Variants in ZNF888 observed in about 807,000 individuals in gnomAD.
The protein encoded by ZNF888 is zinc finger protein 888.
Under a neutral mutation model 7.2 loss-of-function variants are expected in ZNF888, and 5 were observed. That is an observed-to-expected ratio of 0.70 (90% CI 0.36 to 1.46). The LOEUF (loss-of-function observed/expected upper bound fraction) is 1.46. ZNF888 is among the 40% of genes most tolerant of loss of function. ZNF888 has a pLI of 0.03. For synonymous variants in ZNF888, 240 were observed against 284.3 expected (o/e 0.84, Z 1.57); for missense variants, 716 against 858.0 (o/e 0.83, Z 2.07).
rs1355946701 is a variant in ZNF888 at position 52,905,906 on chromosome 19, A to G, written c.*259T>C. 6 of 788,970 alleles carry G rather than the reference A, an allele frequency of 7.6e-6. No homozygotes were observed. The highest frequency in any genetic ancestry group is 1.4e-5 in the Non-Finnish European group (6 of 441,688). The allele number at this position is 788,970 out of a possible 1,614,324, so 48.9% of individuals were successfully genotyped here. On this transcript the variant is annotated 3_prime_UTR_variant, in exon 5 of 5. Transcript: ENST00000638862. ...ACGTGAAGTAAAGGCTTTGCTCACA[A>G]TCATCACACTTGTGAGGTTTCTCTC... is the stretch of plus-strand genomic sequence containing the variant.
chr19:52,913,782 C>A, intron 4 of ZNF888: 8 of 969,360 alleles, frequency 8.3e-6, no homozygotes, highest in Non-Finnish European at 9.8e-6. Flanking sequence ...ACACTGGAAT[C>A]ATGCTTAAAC....
At position 52,905,589 on chromosome 19, in the gene ZNF888, A is replaced by G. The variant is rs189732029; in HGVS notation, c.*576T>C. ...CTTGGCCTCCCACAGTGCTAGCATT[A>G]CAGGTGTGAGCCACCGCACTCAGCC... is the stretch of plus-strand genomic sequence containing the variant. On this transcript the variant is annotated 3_prime_UTR_variant, in exon 5 of 5. Transcript: ENST00000638862. 56 of 347,374 alleles carry G rather than the reference A, an allele frequency of 1.6e-4. 1 individual carries two copies. In the East Asian group the frequency reaches 3.0e-3, roughly 19 times the overall value. 21.5% of individuals were successfully genotyped at this position (347,374 alleles called of 1,614,324 possible).
intron 4 of ZNF888, among the ~76,000 whole-genome samples, chr19:52,908,649 A>G (rs2064639734): frequency 6.6e-6 from 1 of 152,168 alleles, no homozygotes; most frequent in Non-Finnish European, 1.5e-5. Flanking sequence ...GAAATCCTGT[A>G]CTGTCAAACC....
intron 4 of ZNF888, among the ~76,000 whole-genome samples, chr19:52,910,149 CAAAAAA>C (rs71335690): frequency 1.2e-5 from 1 of 83,908 alleles, no homozygotes; most frequent in African/African-American, 3.3e-5. Flanking sequence ...GACTTCGTCT[CAAAAAA>C]AAAAAAAAAA....
chr19:52,904,441 T>C lies in ZNF888; in HGVS notation c.*1724A>G, dbSNP rs1223933415. The C allele has an allele frequency of 2.0e-5, 3 of 152,228 alleles. No homozygotes were observed. The highest frequency in any genetic ancestry group is 4.4e-5 in the Non-Finnish European group (3 of 68,046). The allele number at this position is 152,228 out of a possible 1,614,324, so 9.4% of individuals were successfully genotyped here. ...TGCAGAAGGAAGGGCTTTATTCAGCTGGGAGCATCGGCAAGCTACTGCCTT... is the reference window on the plus strand; with the variant it reads ...TGCAGAAGGAAGGGCTTTATTCAGCCGGGAGCATCGGCAAGCTACTGCCTT... On this transcript the variant is annotated 3_prime_UTR_variant, in exon 5 of 5. Transcript: ENST00000638862.
intron 4 of ZNF888, among the ~76,000 whole-genome samples, chr19:52,914,736 G>A (rs575962335): frequency 1.7e-4 from 26 of 152,174 alleles, no homozygotes; most frequent in African/African-American, 2.6e-4. Flanking sequence ...GTGTGTTCTC[G>A]GCTCACTAGA....
At chr19:52,918,585 G>T (rs1390811230) in intron 2 of ZNF888, among the ~76,000 whole-genome samples, 1 of 151,984 alleles carries the variant, frequency 6.6e-6, no homozygotes, top group Non-Finnish European at 1.5e-5. Flanking sequence ...CCTGGCCAAC[G>T]TGGTGAAACC....
At chr19:52,913,289 GAGA>G (rs1374805181) in intron 4 of ZNF888, among the ~76,000 whole-genome samples, 2 of 150,542 alleles carry the variant, frequency 1.3e-5, no homozygotes, top group South Asian at 2.1e-4. Flanking sequence ...AGTTCTACTG[GAGA>G]AGAAGTAGTT....
chr19:52,907,524 A>G lies in ZNF888; in HGVS notation c.798T>C (p.Gly266=). Residue 266 remains glycine (G), a synonymous_variant, in exon 5 of 5, where the codon GGT becomes GGC. Coordinates refer to ENST00000638862, the MANE Select transcript of ZNF888 (RefSeq NM_001393938.1). The part of the protein sequence containing the change: ...YLAHHRRCHT[G]EKPYMCNKCG... ...ATTTATTACACATGTAAGGTTTCTCACCAGTGTGACATCTACGATGGTGTG... is the reference window on the plus strand; with the variant it reads ...ATTTATTACACATGTAAGGTTTCTCGCCAGTGTGACATCTACGATGGTGTG... 1 of 1,609,100 alleles carries G rather than the reference A, an allele frequency of 6.2e-7. No individual in the cohort carries two copies. Among genetic ancestry groups the G allele is most frequent in the Admixed American group, 1.7e-5 (1 of 59,198 alleles).
At chr19:52,919,969 G>T (rs1260533152) in intron 1 of ZNF888, among the ~76,000 whole-genome samples, 1 of 50,092 alleles carries the variant, frequency 2.0e-5, no homozygotes, top group African/African-American at 8.5e-5. Context: ...CCGGCCAGCC[G>T]CCCCGTCCGG....
chr19:52,905,544 A>T lies in ZNF888; in HGVS notation c.*621T>A. 1 of 221,992 alleles carries T rather than the reference A, an allele frequency of 4.5e-6. No homozygotes were observed. 13.8% of individuals were successfully genotyped at this position (221,992 alleles called of 1,614,324 possible). On this transcript the variant is annotated 3_prime_UTR_variant, in exon 5 of 5. Transcript: ENST00000638862. The stretch of plus-strand genomic sequence containing the variant: ...TGGCCACACTAGTCTCAAACTCCTG[A>T]CCTCAAGAGATCCACCCACCTTGGC...
At chr19:52,917,132 T>C (rs2064761094) in intron 3 of ZNF888, 1 of 152,660 alleles carries the variant, frequency 6.6e-6, no homozygotes, top group Non-Finnish European at 1.5e-5. Context: ...GTTGATTCCA[T>C]ATTCTTAACA....
In ZNF888 at chr19:52,907,610, C is replaced by A; in HGVS notation, c.712G>T (p.Gly238Ter). The stretch of plus-strand genomic sequence containing the variant: ...ACATCACATTTATATTGTTTCTCTC[C>A]TAGATGAATTATCTGATGTTTTTTA... ...LFKKHQIIHL[G>*]EKQYKCDVCG... The change falls in exon 5 of 5, where the codon GGA (glycine) becomes TGA (stop). Residue 238 changes from glycine (G) to a stop codon, truncating the protein, a stop_gained. Transcript: ENST00000638862. LOFTEE classifies it low-confidence loss of function (END_TRUNC). The A allele has an allele frequency of 6.2e-7, 1 of 1,603,528 alleles. No homozygotes were observed. The highest frequency in any genetic ancestry group is 8.5e-7 in the Non-Finnish European group (1 of 1,176,112).
intron 3 of ZNF888, among the ~76,000 whole-genome samples, chr19:52,915,774 C>G (rs931217586): frequency 5.2e-5 from 5 of 95,974 alleles, no homozygotes; most frequent in African/African-American, 8.5e-5. Flanking sequence ...CATACCCGGC[C>G]TCACATGACG....
chr19:52,920,508 A>AG (rs2064812711), intron 1 of ZNF888, among the ~76,000 whole-genome samples: 1 of 42,558 alleles, frequency 2.3e-5, no homozygotes, highest in Non-Finnish European at 4.9e-5. Flanking sequence ...AAAAAAAAAA[A>AG]AAAAAAAAGA....
intron 4 of ZNF888, among the ~76,000 whole-genome samples, chr19:52,911,802 A>G (rs2904322): frequency 0.02 from 1,627 of 82,498 alleles, 7 homozygotes; most frequent in Middle Eastern, 0.071. Flanking sequence ...GCAGTAACAT[A>G]TTTTATTTTA....
chr19:52,919,973 C>A (rs1437597141), intron 1 of ZNF888, among the ~76,000 whole-genome samples: 4 of 51,148 alleles, frequency 7.8e-5, no homozygotes, highest in South Asian at 5.7e-4. Context: ...CCAGCCGCCC[C>A]GTCCGGGAGG....
intron 4 of ZNF888, chr19:52,914,341 T>G: frequency 1.0e-5 from 10 of 984,950 alleles, no homozygotes; most frequent in Non-Finnish European, 1.2e-5. Context: ...TTTGCTATTT[T>G]CACTTCACTC....
chr19:52,916,518 A>T (rs2064750225), intron 3 of ZNF888, among the ~76,000 whole-genome samples: 1 of 150,926 alleles, frequency 6.6e-6, no homozygotes, highest in Non-Finnish European at 1.5e-5. Flanking sequence ...GTGTGTGTGT[A>T]CCTATATATG....
Sources: gnomAD v4.1 joint callset for allele counts (sites outside exome capture counted in the v4.1 genomes callset) on GRCh38, gnomAD v4.1.1 for gene constraint, MANE v1.5 for transcripts, NCBI Gene and HGNC (gene_info 2026-07-23, HGNC 2026-07-21) for gene names.